The following ZNF544 variants were observed in gnomAD, a reference collection of about 807,000 sequenced individuals.
ZNF544 encodes zinc finger protein AF020591.
In ZNF544, 10 loss-of-function variants were observed where a neutral mutation model predicts 13.5. The ratio of observed to expected loss-of-function variants is 0.74; its 90% CI spans 0.46 to 1.25. ZNF544 has a LOEUF of 1.25. Among genes scored for constraint, ZNF544 ranks in the 50% most tolerant of loss-of-function variants. The probability of loss-of-function intolerance (pLI) is 0.00; values close to 1 mark genes in which losing one functional copy is unlikely to be tolerated. For missense variants in ZNF544, 896 were observed against 845.6 expected (o/e 1.06, Z -0.74); for synonymous variants, 323 against 300.5 (o/e 1.07, Z -0.77).
Position 58,262,651 on chromosome 19 carries a change from A to AT in ZNF544, c.2047dup (p.Ser683PhefsTer7), listed in dbSNP as rs2049232000. On this transcript the variant is annotated frameshift_variant, in exon 7 of 7. Transcript: ENST00000687789. LOFTEE classifies it low-confidence loss of function (END_TRUNC). ...AACCTTCTTTCCCATCACAGAATTC[A>AT]TTCTGGAGAGAAACCCTATGAATGT... 1 of 1,614,072 alleles carries AT rather than the reference A, an allele frequency of 6.2e-7. No individual in the cohort carries two copies. Among genetic ancestry groups the AT allele is most frequent in the Admixed American group, 1.7e-5 (1 of 59,998 alleles).
chr19:58,241,730 C>T (rs1381025953), intron 3 of ZNF544, among the ~76,000 whole-genome samples: 1 of 152,080 alleles, frequency 6.6e-6, no homozygotes, highest in African/African-American at 2.4e-5. Context: ...ACCTCCTGAC[C>T]TCGTGATCCG....
chr19:58,248,766 C>G (rs976911901), intron 6 of ZNF544, among the ~76,000 whole-genome samples: 1 of 151,820 alleles, frequency 6.6e-6, no homozygotes, highest in Non-Finnish European at 1.5e-5. Context: ...AAGAATGAAG[C>G]AAAAAAAGCA....
intron 3 of ZNF544, chr19:58,242,163 A>G: frequency 1.2e-6 from 1 of 860,994 alleles, no homozygotes; most frequent in Non-Finnish European, 1.4e-6. Context: ...GCTGGGGTGA[A>G]GTCCCAGCAG....
At chr19:58,244,117 A>T in intron 4 of ZNF544, 61 bp downstream of exon 4, 1 of 1,442,986 alleles carries the variant, frequency 6.9e-7, no homozygotes, top group South Asian at 1.2e-5. Flanking sequence ...TGGGTCCAGG[A>T]ATAGCACCCG....
chr19:58,272,925 T>C (rs1258025557), intron 5 of ZNF544, among the ~76,000 whole-genome samples: 1 of 151,710 alleles, frequency 6.6e-6, no homozygotes, highest in African/African-American at 2.4e-5. Flanking sequence ...GGCTCATGCC[T>C]GTAATCCCAG....
rs1169388777 is a variant in ZNF544, at chr19:58,261,607, C to A, written c.1001C>A (p.Ala334Asp). 1 of 1,614,200 alleles carries A rather than the reference C, an allele frequency of 6.2e-7. No individual in the cohort carries two copies. The highest frequency in any genetic ancestry group is 1.7e-5 in the Admixed American group (1 of 60,020). ...TPFRCEERCA[A>D]FPMASSFSDC... is the part of the protein sequence containing the mutation. ...TTCAGATGTGAGGAACGCTGTGCTG[C>A]CTTCCCCATGGCCTCATCTTTTTCT... The change falls in exon 7 of 7, where the codon GCC becomes GAC. Residue 334 changes from alanine (A) to aspartate (D), a missense_variant. Physicochemically the swap from Ala to Asp is moderately radical, Grantham distance 126 (BLOSUM62 -2). Coordinates refer to ENST00000687789, the MANE Select transcript of ZNF544 (RefSeq NM_014480.4).
chr19:58,257,154 C>T (rs970420563), intron 6 of ZNF544: 2 of 152,184 alleles, frequency 1.3e-5, no homozygotes, highest in South Asian at 4.1e-4. Flanking sequence ...ATCTCCTGAC[C>T]TCGTGATCCA....
chr19:58,241,076 A>G (rs1251114035), intron 3 of ZNF544, among the ~76,000 whole-genome samples: 2 of 126,976 alleles, frequency 1.6e-5, no homozygotes, highest in African/African-American at 2.8e-5. Flanking sequence ...GGCTCAAGCA[A>G]TCATCCTGCC....
rs564427087 is a variant in ZNF544 at position 58,261,379 on chromosome 19, G to T, written c.773G>T (p.Cys258Phe). The T allele has an allele frequency of 6.2e-7, 1 of 1,614,100 alleles. No homozygotes were observed. The highest frequency in any genetic ancestry group is 1.7e-5 in the Admixed American group (1 of 59,998). Residue 258 changes from cysteine to phenylalanine, a missense_variant, in exon 7 of 7, where the codon TGT becomes TTT. By Grantham distance (205) the Cys-to-Phe change is radical. Transcript: ENST00000687789. ...TCTCTCAACTATGGTTCCTCCCTTT[G>T]TTTTCATGGTAGAACTTTTTCAGTG... The part of the protein sequence containing the change: ...GDSLNYGSSL[C>F]FHGRTFSVKK...
chr19:58,257,865 T>A (rs2047879304), intron 6 of ZNF544: 1 of 152,246 alleles, frequency 6.6e-6, no homozygotes, highest in Non-Finnish European at 1.5e-5. Context: ...CATACCACCC[T>A]CTCACGTTTC....
In ZNF544 at chr19:58,246,440, G is replaced by A; in HGVS notation, c.160+13G>A. On this transcript the variant is annotated intron_variant, in intron 5 of 6. Transcript: ENST00000687789. ...ATTGTCTCCCTGGGTAAGTGGCTGT[G>A]CTCATGGAAGGAGGTTCTACCCCTA... 6.2e-7 allele frequency: 1 copy of A among 1,613,864 alleles called. No homozygotes were observed. The highest frequency in any genetic ancestry group is 8.5e-7 in the Non-Finnish European group (1 of 1,179,870).
At chr19:58,271,951 C>T (rs1600433429) in intron 5 of ZNF544, among the ~76,000 whole-genome samples, 1 of 151,866 alleles carries the variant, frequency 6.6e-6, no homozygotes, top group Non-Finnish European at 1.5e-5. Flanking sequence ...CACTTGAGGT[C>T]AGGAGTTGAA....
chr19:58,238,120 C>T (rs1251575725), intron 3 of ZNF544, among the ~76,000 whole-genome samples: 8 of 152,092 alleles, frequency 5.3e-5, no homozygotes, highest in Non-Finnish European at 7.4e-5. Context: ...TTGGTAGAGA[C>T]GGGGTTTCAC....
At chr19:58,266,843 A>T (rs1041635535), downstream of ZNF544, 2 of 152,212 alleles carry the variant, frequency 1.3e-5, no homozygotes, top group Non-Finnish European at 1.5e-5. Context: ...GGGCTGCTTT[A>T]TTCTGGCATT....
At chr19:58,246,457 C>T (rs760580711) in intron 5 of ZNF544, 30 bp downstream of exon 5, 33 of 1,612,690 alleles carry the variant, frequency 2.0e-5, no homozygotes, top group Non-Finnish European at 2.7e-5. Context: ...GAAGGAGGTT[C>T]TACCCCTAGG....
At chr19:58,240,478 C>CGA (rs1426012534) in intron 3 of ZNF544, among the ~76,000 whole-genome samples, 1 of 152,022 alleles carries the variant, frequency 6.6e-6, no homozygotes, top group African/African-American at 2.4e-5. Flanking sequence ...AGGATGGTCT[C>CGA]TATCTCCTGA....
chr19:58,242,316 C>G, intron 3 of ZNF544: 2 of 979,862 alleles, frequency 2.0e-6, no homozygotes, highest in Non-Finnish European at 2.4e-6. Flanking sequence ...AAGGTGAGAA[C>G]TGCCTAAAAA....
chr19:58,268,961 T>C (rs1187885626), downstream of ZNF544, among the ~76,000 whole-genome samples: 4 of 152,030 alleles, frequency 2.6e-5, no homozygotes, highest in African/African-American at 9.7e-5. Context: ...ACACTTATGA[T>C]TTATTCTTTA....
intron 5 of ZNF544, chr19:58,276,231 G>A (rs2051212034): frequency 1.8e-6 from 1 of 549,488 alleles, no homozygotes; most frequent in African/African-American, 2.0e-5. Flanking sequence ...AAAGAGAATA[G>A]ATCTTTGCAC....
Sources: gnomAD v4.1 joint callset for allele counts (sites outside exome capture counted in the v4.1 genomes callset) on GRCh38, gnomAD v4.1.1 for gene constraint, MANE v1.5 for transcripts, NCBI Gene and HGNC (gene_info 2026-07-23, HGNC 2026-07-21) for gene names.